The following DLG2 variants were observed in gnomAD, a reference collection of about 807,000 sequenced individuals.
DLG2 encodes discs large MAGUK scaffold protein 2.
A neutral mutation model predicts 132.5 loss-of-function variants in DLG2; 45 were observed. That is an observed-to-expected ratio of 0.34 (90% CI 0.27 to 0.44). The LOEUF (loss-of-function observed/expected upper bound fraction) is 0.44. Among genes scored for constraint, DLG2 ranks in the 20% least tolerant of loss-of-function variants. The probability of loss-of-function intolerance (pLI) is 1.00; values close to 1 mark genes in which losing one functional copy is unlikely to be tolerated. For synonymous variants in DLG2, 424 were observed against 419.6 expected, an observed-to-expected ratio of 1.01 and a Z score of -0.13; for missense variants, 1,045 against 1,196.9, an observed-to-expected ratio of 0.87 and a Z score of 1.87.
At chr11:85,320,574 A>G (rs2080992472) in intron 3 of DLG2, among the ~76,000 whole-genome samples, 1 of 151,962 alleles carries the variant, frequency 6.6e-6, no homozygotes, top group Non-Finnish European at 1.5e-5. Flanking sequence ...TATATGATAT[A>G]TGTCAGGTAG....
chr11:83,830,245 C>T (rs549977758), intron 17 of DLG2, among the ~76,000 whole-genome samples: 24 of 152,124 alleles, frequency 1.6e-4, no homozygotes, highest in Non-Finnish European at 2.6e-4. Flanking sequence ...ATATCTAAGA[C>T]GACTATAATT....
intron 3 of DLG2, among the ~76,000 whole-genome samples, chr11:85,294,624 T>C (rs184218004): frequency 1.6e-4 from 25 of 152,278 alleles, no homozygotes; most frequent in African/African-American, 5.3e-4. Flanking sequence ...TGAACAGTTA[T>C]ATAAAACATA....
intron 3 of DLG2, among the ~76,000 whole-genome samples, chr11:85,377,809 G>GTT (rs2085538521): frequency 8.1e-6 from 1 of 123,648 alleles, no homozygotes; most frequent in East Asian, 2.2e-4. Context: ...ATATATGTGT[G>GTT]TGTGTGTGTG....
intron 3 of DLG2, among the ~76,000 whole-genome samples, chr11:85,330,790 A>T (rs1176509080): frequency 2.0e-5 from 2 of 99,714 alleles, no homozygotes; most frequent in African/African-American, 8.4e-5. Context: ...AAAAAAAAAA[A>T]TTAAAAAAAA....
At chr11:83,752,363 A>G (rs2093363288) in intron 18 of DLG2, among the ~76,000 whole-genome samples, 1 of 152,224 alleles carries the variant, frequency 6.6e-6, no homozygotes, top group Non-Finnish European at 1.5e-5. Flanking sequence ...CCATTCCAAA[A>G]CACACAGAAT....
chr11:85,066,900 T>C (rs530987146), intron 6 of DLG2, among the ~76,000 whole-genome samples: 46 of 151,948 alleles, frequency 3.0e-4, no homozygotes, highest in African/African-American at 1.1e-3. Flanking sequence ...TTACCACTTC[T>C]ATTTAACACA....
At chr11:83,749,233 C>T (rs761227328) in intron 18 of DLG2, among the ~76,000 whole-genome samples, 36 of 152,142 alleles carry the variant, frequency 2.4e-4, no homozygotes, top group Non-Finnish European at 4.6e-4. Context: ...GAGAGGCAAC[C>T]TTTTTGCCTT....
At chr11:84,429,908 T>A in intron 7 of DLG2, among the ~76,000 whole-genome samples, 1 of 152,214 alleles carries the variant, frequency 6.6e-6, no homozygotes, top group East Asian at 1.9e-4. Context: ...CAAGGCTATC[T>A]GGATACCTGG....
chr11:84,961,308 C>T (rs1345909982), intron 6 of DLG2, among the ~76,000 whole-genome samples: 1 of 151,836 alleles, frequency 6.6e-6, no homozygotes, highest in Non-Finnish European at 1.5e-5. Flanking sequence ...TGACCTACCC[C>T]ACTACCTCCC....
At chr11:85,090,405 T>C (rs1352547637) in intron 6 of DLG2, among the ~76,000 whole-genome samples, 3 of 152,320 alleles carry the variant, frequency 2.0e-5, no homozygotes, top group African/African-American at 7.2e-5. Context: ...TGGTCAGCAA[T>C]TGACCTCCCT....
At chr11:85,429,407 A>C (rs1458420461) in intron 3 of DLG2, among the ~76,000 whole-genome samples, 1 of 152,172 alleles carries the variant, frequency 6.6e-6, no homozygotes, top group East Asian at 1.9e-4. Context: ...AGAAAATACC[A>C]TCAGAGTGAA....
At chr11:84,123,822 T>C (rs1020769085) in intron 9 of DLG2, among the ~76,000 whole-genome samples, 1 of 152,234 alleles carries the variant, frequency 6.6e-6, no homozygotes, top group Non-Finnish European at 1.5e-5. Context: ...TAAGCAGGTC[T>C]ACTTACCACA....
At chr11:84,688,137 C>A (rs2099739704) in intron 6 of DLG2, among the ~76,000 whole-genome samples, 1 of 152,152 alleles carries the variant, frequency 6.6e-6, no homozygotes, top group African/African-American at 2.4e-5. Context: ...AGCATGAGAA[C>A]ATGAAACATT....
chr11:84,719,869 G>C (rs1182011765), intron 6 of DLG2, among the ~76,000 whole-genome samples: 1 of 152,054 alleles, frequency 6.6e-6, no homozygotes, highest in Non-Finnish European at 1.5e-5. Context: ...TTTATCTAGA[G>C]TTCATCGACC....
intron 6 of DLG2, among the ~76,000 whole-genome samples, chr11:85,030,244 T>C (rs1366338564): frequency 6.6e-6 from 1 of 152,220 alleles, no homozygotes; most frequent in Admixed American, 6.5e-5. Flanking sequence ...GGTTTTGTTT[T>C]GTGGGTTTTG....
intron 12 of DLG2, among the ~76,000 whole-genome samples, chr11:83,973,512 G>C (rs1297230744): frequency 6.6e-6 from 1 of 152,000 alleles, no homozygotes; most frequent in South Asian, 2.1e-4. Flanking sequence ...AGAGTGAACT[G>C]TTCTAAATTT....
intron 6 of DLG2, among the ~76,000 whole-genome samples, chr11:85,095,479 A>G (rs556173002): frequency 6.6e-6 from 1 of 152,238 alleles, no homozygotes; most frequent in East Asian, 1.9e-4. Context: ...AATCTACTGA[A>G]CACTTCTCAG....
At chr11:85,088,521 T>C (rs959140345) in intron 6 of DLG2, among the ~76,000 whole-genome samples, 2 of 152,152 alleles carry the variant, frequency 1.3e-5, no homozygotes, top group African/African-American at 4.8e-5. Flanking sequence ...AATAATCTGG[T>C]AGGACTCAAC....
chr11:83,914,122 A>G (rs1443508047), intron 15 of DLG2, among the ~76,000 whole-genome samples: 1 of 152,090 alleles, frequency 6.6e-6, no homozygotes, highest in African/African-American at 2.4e-5. Context: ...TTTCATCCCC[A>G]GTGTTGGAGG....
Sources: gnomAD v4.1 joint callset for allele counts (sites outside exome capture counted in the v4.1 genomes callset) on GRCh38, gnomAD v4.1.1 for gene constraint, MANE v1.5 for transcripts, NCBI Gene and HGNC (gene_info 2026-07-23, HGNC 2026-07-21) for gene names.